EPM2A: variants seen among roughly 807,000 people sequenced by gnomAD.
EPM2A encodes the protein laforin.
EPM2A carries 21 observed loss-of-function variants against 26.5 expected under a neutral mutation model. That is an observed-to-expected ratio of 0.79 (90% CI 0.56 to 1.14). The LOEUF (loss-of-function observed/expected upper bound fraction) is 1.14, where lower values mean the gene tolerates loss of function less well. Among genes scored for constraint, EPM2A ranks in the 50% most tolerant of loss-of-function variants. The pLI is 0.00. For missense variants in EPM2A, 458 were observed against 440.8 expected, an observed-to-expected ratio of 1.04 and a Z score of -0.35; for synonymous variants, 217 against 177.6, an observed-to-expected ratio of 1.22 and a Z score of -1.76.
At chr6:145,533,044 CTAACAGGCTTCCCAAACT>C (rs1447918214) in intron 2 of EPM2A, among the ~76,000 whole-genome samples, 1 of 152,132 alleles carries the variant, frequency 6.6e-6, no homozygotes, top group African/African-American at 2.4e-5. Context: ...ATATTGATGT[CTAACAGGCTTCCCAAACT>C]TAACAGGTCT....
intron 2 of EPM2A, among the ~76,000 whole-genome samples, chr6:145,615,283 A>C (rs1775481999): frequency 6.6e-6 from 1 of 152,088 alleles, no homozygotes; most frequent in Non-Finnish European, 1.5e-5. Context: ...GGTTTTACAA[A>C]AGGGGATTTT....
intron 4 of EPM2A, among the ~76,000 whole-genome samples, chr6:145,444,113 C>G (rs1362491706): frequency 6.6e-6 from 1 of 152,196 alleles, no homozygotes; most frequent in Non-Finnish European, 1.5e-5. Context: ...ATTTCTTTAG[C>G]TTGCCTGACT....
At chr6:145,463,967 G>C (rs1779356460) in intron 4 of EPM2A, among the ~76,000 whole-genome samples, 2 of 152,234 alleles carry the variant, frequency 1.3e-5, no homozygotes, top group African/African-American at 2.4e-5. Flanking sequence ...CATGGGGGCT[G>C]TTTCCCCCAT....
chr6:145,483,972 T>C (rs1779640156), intron 4 of EPM2A, among the ~76,000 whole-genome samples: 2 of 152,172 alleles, frequency 1.3e-5, no homozygotes, highest in Admixed American at 6.6e-5. Context: ...AACAAATATA[T>C]CTTTCTAATG....
intron 1 of EPM2A, among the ~76,000 whole-genome samples, chr6:145,688,055 C>T (rs1211677813): frequency 1.3e-5 from 2 of 151,802 alleles, no homozygotes; most frequent in Non-Finnish European, 2.9e-5. Context: ...AGTTTTTTTT[C>T]ATTCTTCTAC....
At chr6:145,677,573 C>A (rs1448115343) in intron 2 of EPM2A, among the ~76,000 whole-genome samples, 1 of 152,218 alleles carries the variant, frequency 6.6e-6, no homozygotes, top group Non-Finnish European at 1.5e-5. Context: ...TGATACACAA[C>A]TTCAGCAAAG....
chr6:145,690,607 C>T (rs974663821), intron 1 of EPM2A, among the ~76,000 whole-genome samples: 1 of 146,692 alleles, frequency 6.8e-6, no homozygotes, highest in Non-Finnish European at 1.5e-5. Context: ...CCCATTATAC[C>T]AATAACCACT....
In EPM2A at chr6:145,655,201, A is replaced by C. The variant is rs952992023; in HGVS notation, c.477-19715T>G. On this transcript the variant is annotated intron_variant, in intron 2 of 3. Coordinates refer to ENST00000367519, the MANE Select transcript of EPM2A (RefSeq NM_005670.4). ...ATTTTGCTGTGAAAAAAAAAAAAAA[A>C]CAGGATTGGCTTTTCCAGTGGTTTC... Among the ~76,000 whole-genome samples, 12 of 146,230 alleles carry C rather than the reference A, an allele frequency of 8.2e-5. 1 individual carries two copies. The highest frequency in any genetic ancestry group is 4.3e-4 in the South Asian group (2 of 4,658).
intron 2 of EPM2A, among the ~76,000 whole-genome samples, chr6:145,539,912 A>G (rs1002519829): frequency 2.0e-5 from 3 of 152,278 alleles, no homozygotes; most frequent in African/African-American, 7.2e-5. Flanking sequence ...GCTCTGGGCC[A>G]CTATCCACCC....
At chr6:145,684,704 C>CAG (rs1256390094) in intron 2 of EPM2A, 1 of 152,130 alleles carries the variant, frequency 6.6e-6, no homozygotes, top group Non-Finnish European at 1.5e-5. Context: ...TGTAATCTAA[C>CAG]AGACATTTCA....
chr6:145,547,069 C>T (rs543798630), intron 2 of EPM2A, among the ~76,000 whole-genome samples: 2 of 152,238 alleles, frequency 1.3e-5, no homozygotes, highest in South Asian at 4.1e-4. Flanking sequence ...AGCCTGGTTA[C>T]CATGCTGGAA....
intron 1 of EPM2A, among the ~76,000 whole-genome samples, chr6:145,718,845 T>C (rs2128636954): frequency 6.6e-6 from 1 of 152,236 alleles, no homozygotes; most frequent in East Asian, 1.9e-4. Flanking sequence ...AAGAAGACAT[T>C]TATGCAGCCA....
chr6:145,637,924 T>A (rs1776814181), intron 2 of EPM2A: 1 of 152,220 alleles, frequency 6.6e-6, no homozygotes, highest in Non-Finnish European at 1.5e-5. Context: ...AGTGCTGGGC[T>A]CACGTATGTA....
At chr6:145,433,233 A>C (rs1778944506) in intron 4 of EPM2A, among the ~76,000 whole-genome samples, 1 of 152,192 alleles carries the variant, frequency 6.6e-6, no homozygotes, top group Admixed American at 6.5e-5. Flanking sequence ...ACAGCTTGGT[A>C]CAAGAGACCT....
chr6:145,664,568 A>C (rs1779004590), intron 2 of EPM2A, among the ~76,000 whole-genome samples: 1 of 149,710 alleles, frequency 6.7e-6, no homozygotes, highest in Non-Finnish European at 1.5e-5. Flanking sequence ...ATAATGGGAG[A>C]CTTTAACACC....
intron 4 of EPM2A, among the ~76,000 whole-genome samples, chr6:145,407,562 TGAG>T (rs970780472): frequency 6.6e-6 from 1 of 152,162 alleles, no homozygotes; most frequent in Non-Finnish European, 1.5e-5. Context: ...CCTATAATTG[TGAG>T]GAGTTTTCAC....
intron 4 of EPM2A, among the ~76,000 whole-genome samples, chr6:145,437,490 G>GA (rs1268334722): frequency 6.6e-6 from 1 of 151,882 alleles, no homozygotes; most frequent in Non-Finnish European, 1.5e-5. Flanking sequence ...CCTAACAAAT[G>GA]AAAAAAAGCT....
chr6:145,437,756 C>A (rs538701222), intron 4 of EPM2A, among the ~76,000 whole-genome samples: 1 of 152,284 alleles, frequency 6.6e-6, no homozygotes, highest in African/African-American at 2.4e-5. Flanking sequence ...CCAAGAGAGA[C>A]CACAGCAATT....
intron 1 of EPM2A, among the ~76,000 whole-genome samples, chr6:145,719,325 A>T (rs1231902449): frequency 6.6e-6 from 1 of 150,442 alleles, no homozygotes. Context: ...CTTTGTAGGG[A>T]CATGGATGAA....
Sources: gnomAD v4.1 joint callset for allele counts (sites outside exome capture counted in the v4.1 genomes callset) on GRCh38, gnomAD v4.1.1 for gene constraint, MANE v1.5 for transcripts, NCBI Gene and HGNC (gene_info 2026-07-23, HGNC 2026-07-21) for gene names.